KCNN2: variants seen among roughly 807,000 people sequenced by gnomAD.
The protein encoded by KCNN2 is potassium calcium-activated channel subfamily N member 2.
Under a neutral mutation model 55.5 loss-of-function variants are expected in KCNN2, and 24 were observed. The observed-to-expected ratio is 0.43, with a 90% CI of 0.31 to 0.61. KCNN2 has a LOEUF of 0.61. Ranked by LOEUF, KCNN2 falls within the 20% of genes least tolerant of loss-of-function variation. The pLI is 0.08. For synonymous variants in KCNN2, 431 were observed against 336.1 expected (o/e 1.28, Z -3.09); for missense variants, 754 against 853.6 (o/e 0.88, Z 1.45).
intron 2 of KCNN2, among the ~76,000 whole-genome samples, chr5:114,352,554 A>G (rs76957325): frequency 1.3e-5 from 2 of 151,738 alleles, no homozygotes; most frequent in East Asian, 3.9e-4. Context: ...TCCAATTTAC[A>G]TATTTATGGC....
chr5:114,467,894 T>C (rs531598684), intron 4 of KCNN2, among the ~76,000 whole-genome samples: 3 of 152,300 alleles, frequency 2.0e-5, no homozygotes, highest in Admixed American at 6.5e-5. Flanking sequence ...CTGTTGCTAA[T>C]CAGGAGATTT....
chr5:114,258,509 C>G (rs1466606687), intron 2 of KCNN2, among the ~76,000 whole-genome samples: 2 of 151,888 alleles, frequency 1.3e-5, no homozygotes, highest in Non-Finnish European at 2.9e-5. Flanking sequence ...ATTACTGATT[C>G]AGTCTCACTA....
At chr5:114,481,486 C>T (rs1378664154) in intron 5 of KCNN2, among the ~76,000 whole-genome samples, 2 of 152,160 alleles carry the variant, frequency 1.3e-5, no homozygotes, top group Non-Finnish European at 2.9e-5. Context: ...TTAATAGTTT[C>T]AGTGCTATTC....
At chr5:114,449,908 A>ACACACACACACACACACGCGCGCGCGCG (rs1309590184) in intron 3 of KCNN2, among the ~76,000 whole-genome samples, 2 of 66,188 alleles carry the variant, frequency 3.0e-5, no homozygotes, top group East Asian at 3.1e-3. Flanking sequence ...ACACACACAC[A>ACACACACACACACACACGCGCGCGCGCG]CGCGCGCGCT....
chr5:114,375,263 A>G (rs1757897720), intron 2 of KCNN2, among the ~76,000 whole-genome samples: 1 of 152,114 alleles, frequency 6.6e-6, no homozygotes, highest in African/African-American at 2.4e-5. Context: ...AAAACATAAT[A>G]ATGAGGCTGA....
chr5:114,240,915 C>T (rs1754605015), intron 2 of KCNN2, among the ~76,000 whole-genome samples: 3 of 151,934 alleles, frequency 2.0e-5, no homozygotes, highest in African/African-American at 7.3e-5. Context: ...TGAAATTACA[C>T]AAGAGGATTT....
chr5:114,363,458 G>A (rs1320290515), intron 1 of KCNN2, among the ~76,000 whole-genome samples, 197 bp downstream of exon 1: 2 of 152,238 alleles, frequency 1.3e-5, no homozygotes, highest in East Asian at 1.9e-4. Context: ...TCCGCGTGCA[G>A]CCAAAGTTCT....
intron 2 of KCNN2, among the ~76,000 whole-genome samples, chr5:114,257,694 G>T (rs1406941560): frequency 6.6e-6 from 1 of 152,094 alleles, no homozygotes; most frequent in African/African-American, 2.4e-5. Context: ...TTTGTACATT[G>T]ATTTCATATC....
At chr5:114,440,282 T>A (rs1760159603) in intron 3 of KCNN2, among the ~76,000 whole-genome samples, 1 of 152,176 alleles carries the variant, frequency 6.6e-6, no homozygotes, top group Non-Finnish European at 1.5e-5. Context: ...ATTTCTAAAC[T>A]GCTGAAAGAA....
chr5:114,383,350 G>T (rs887349584), intron 2 of KCNN2, among the ~76,000 whole-genome samples: 16 of 151,250 alleles, frequency 1.1e-4, no homozygotes, highest in Non-Finnish European at 1.5e-5. Flanking sequence ...AGAGGAAAGT[G>T]ATATTCCTCA....
chr5:114,342,267 A>T (rs578143136), intron 2 of KCNN2, among the ~76,000 whole-genome samples: 1 of 152,114 alleles, frequency 6.6e-6, no homozygotes, highest in East Asian at 1.9e-4. Flanking sequence ...CACTTACTCA[A>T]ATAGCATATT....
chr5:114,343,966 C>T (rs1017389623), intron 2 of KCNN2, among the ~76,000 whole-genome samples: 1 of 152,182 alleles, frequency 6.6e-6, no homozygotes, highest in Non-Finnish European at 1.5e-5. Flanking sequence ...GCACCTTTCT[C>T]TTCACACTTT....
At chr5:114,226,767 G>T (rs1458271964) in intron 2 of KCNN2, among the ~76,000 whole-genome samples, 2 of 151,996 alleles carry the variant, frequency 1.3e-5, no homozygotes, top group African/African-American at 4.8e-5. Flanking sequence ...CGGGCATGGT[G>T]GCGGGCACCT....
At chr5:114,474,887 T>TAACA (rs1436465578) in intron 5 of KCNN2, among the ~76,000 whole-genome samples, 1 of 151,442 alleles carries the variant, frequency 6.6e-6, no homozygotes, top group Non-Finnish European at 1.5e-5. Context: ...CTGTAAATCT[T>TAACA]AACAGAAAAA....
At chr5:114,309,120 A>G (rs3112770) in intron 2 of KCNN2, among the ~76,000 whole-genome samples, 142,400 of 152,274 alleles carry the variant, frequency 0.94, 67,313 homozygotes, top group Non-Finnish European at 1. Context: ...CTGCAGATCT[A>G]TTTAATTTGA....
intron 1 of KCNN2, among the ~76,000 whole-genome samples, chr5:114,145,828 G>A (rs190193516): frequency 1.3e-5 from 2 of 152,286 alleles, no homozygotes; most frequent in Admixed American, 6.5e-5. Flanking sequence ...AGGGGGCAGA[G>A]GGTGAGCCGG....
chr5:114,084,573 C>G lies in KCNN2; in HGVS notation c.-271+28073C>G, dbSNP rs562200593. On this transcript the variant is annotated intron_variant, in intron 1 of 10. Transcript: ENST00000512097. Reference sequence around the variant, plus strand: ...TCTTTGTATATTTTCGATACAGGTACTTTGTCAGATATATTTGTAAATATT... The same window carrying G: ...TCTTTGTATATTTTCGATACAGGTAGTTTGTCAGATATATTTGTAAATATT... 6.6e-5 allele frequency among the ~76,000 whole-genome samples: 10 copies of G among 152,000 alleles called. No homozygotes were observed. In the South Asian group the frequency reaches 2.1e-3, roughly 32 times the overall value.
At chr5:114,168,774 A>C (rs1466913323) in intron 1 of KCNN2, among the ~76,000 whole-genome samples, 1 of 152,084 alleles carries the variant, frequency 6.6e-6, no homozygotes, top group South Asian at 2.1e-4. Flanking sequence ...TTAATGATAT[A>C]TGGCTAGTGG....
intron 1 of KCNN2, among the ~76,000 whole-genome samples, chr5:114,077,475 A>G (rs1750706684): frequency 6.6e-6 from 1 of 152,176 alleles, no homozygotes; most frequent in Non-Finnish European, 1.5e-5. Context: ...GACACCTGAC[A>G]ACACTGGGTG....
Sources: gnomAD v4.1 joint callset for allele counts (sites outside exome capture counted in the v4.1 genomes callset) on GRCh38, gnomAD v4.1.1 for gene constraint, MANE v1.5 for transcripts, NCBI Gene and HGNC (gene_info 2026-07-23, HGNC 2026-07-21) for gene names.